The following CHST8 variants were observed in gnomAD, a reference collection of about 807,000 sequenced individuals.
CHST8 encodes carbohydrate sulfotransferase 8.
A neutral mutation model predicts 15.0 loss-of-function variants in CHST8; 10 were observed. The ratio of observed to expected loss-of-function variants is 0.67; its 90% confidence interval spans 0.41 to 1.13. The LOEUF is 1.13. Among genes scored for constraint, CHST8 ranks in the 50% most tolerant of loss-of-function variants. The pLI, the probability that CHST8 is intolerant of heterozygous loss-of-function variation, is 0.00. For synonymous variants in CHST8, 259 were observed against 256.6 expected (o/e 1.01, Z -0.09); for missense variants, 634 against 608.2 (o/e 1.04, Z -0.45).
At chr19:33,678,103 G>A (rs1395104300) in intron 2 of CHST8, among the ~76,000 whole-genome samples, 1 of 152,168 alleles carries the variant, frequency 6.6e-6, no homozygotes, top group Admixed American at 6.5e-5. Context: ...GGAAGTGTTA[G>A]TCTGGACCCA....
At chr19:33,751,050 T>C (rs1460955685) in intron 3 of CHST8, among the ~76,000 whole-genome samples, 2 of 152,104 alleles carry the variant, frequency 1.3e-5, no homozygotes, top group Non-Finnish European at 2.9e-5. Context: ...CCTCTTGGAG[T>C]TGGTTTTCTT....
At chr19:33,624,922 C>T (rs1476068654) in intron 1 of CHST8, among the ~76,000 whole-genome samples, 4 of 152,074 alleles carry the variant, frequency 2.6e-5, no homozygotes, top group Non-Finnish European at 4.4e-5. Context: ...TGCTGCCTGG[C>T]CTGGAATCTG....
intron 3 of CHST8, among the ~76,000 whole-genome samples, chr19:33,735,178 G>A (rs1466798969): frequency 1.3e-5 from 2 of 152,228 alleles, no homozygotes; most frequent in East Asian, 1.9e-4. Context: ...GCAGGGTTGG[G>A]TAGGGGGGTC....
chr19:33,727,639 T>C (rs373103364), intron 3 of CHST8, among the ~76,000 whole-genome samples: 13 of 152,372 alleles, frequency 8.5e-5, no homozygotes, highest in East Asian at 5.8e-4. Flanking sequence ...TCTGGCCATT[T>C]GCTCCCATTT....
At chr19:33,736,595 G>T (rs75403033) in intron 3 of CHST8, among the ~76,000 whole-genome samples, 6,158 of 152,192 alleles carry the variant, frequency 0.04, 411 homozygotes, top group African/African-American at 0.14. Flanking sequence ...GCAGATAAGT[G>T]TGTGTGAGCA....
chr19:33,707,031 T>C (rs989010900), intron 3 of CHST8, among the ~76,000 whole-genome samples: 43 of 152,218 alleles, frequency 2.8e-4, no homozygotes, highest in Non-Finnish European at 1.5e-5. Context: ...ATGGGGACTT[T>C]CTGGGGTCCA....
intron 3 of CHST8, among the ~76,000 whole-genome samples, chr19:33,748,192 A>G (rs1974349311): frequency 6.6e-6 from 1 of 152,198 alleles, no homozygotes; most frequent in African/African-American, 2.4e-5. Context: ...GCTATGCCCC[A>G]GGCACTCGCC....
chr19:33,750,180 A>G (rs1974387032), intron 3 of CHST8, among the ~76,000 whole-genome samples: 1 of 152,202 alleles, frequency 6.6e-6, no homozygotes, highest in African/African-American at 2.4e-5. Context: ...GCATGAGGTC[A>G]CAGGGGTCAT....
intron 3 of CHST8, among the ~76,000 whole-genome samples, chr19:33,713,826 G>A (rs1469476781): frequency 6.6e-6 from 1 of 152,146 alleles, no homozygotes; most frequent in Non-Finnish European, 1.5e-5. Flanking sequence ...TCCTAGTGTT[G>A]GAATTACAGG....
At chr19:33,694,206 AT>A in intron 3 of CHST8, among the ~76,000 whole-genome samples, 1 of 85,468 alleles carries the variant, frequency 1.2e-5, no homozygotes, top group African/African-American at 4.9e-5. Context: ...ATATATATAT[AT>A]ATATATATAT....
At chr19:33,750,854 G>A (rs968983517) in intron 3 of CHST8, among the ~76,000 whole-genome samples, 1 of 151,814 alleles carries the variant, frequency 6.6e-6, no homozygotes, top group African/African-American at 2.4e-5. Flanking sequence ...TCCAGGCTCG[G>A]TCCAGGCTCA....
intron 3 of CHST8, among the ~76,000 whole-genome samples, chr19:33,690,375 G>A (rs1341785434): frequency 6.6e-6 from 1 of 152,174 alleles, no homozygotes; most frequent in Non-Finnish European, 1.5e-5. Flanking sequence ...CCTGCCGGAA[G>A]CCCAGAGCAC....
At chr19:33,742,592 T>C (rs1256539841) in intron 3 of CHST8, among the ~76,000 whole-genome samples, 1 of 152,140 alleles carries the variant, frequency 6.6e-6, no homozygotes, top group Non-Finnish European at 1.5e-5. Flanking sequence ...CACCTCTACA[T>C]TGGGGATTTC....
chr19:33,734,671 C>T (rs530350796), intron 3 of CHST8, among the ~76,000 whole-genome samples: 1 of 152,260 alleles, frequency 6.6e-6, no homozygotes, highest in Admixed American at 6.5e-5. Flanking sequence ...AGCACTTTCT[C>T]AGTGCCCAGG....
chr19:33,675,676 A>G (rs944556294), intron 2 of CHST8, among the ~76,000 whole-genome samples: 1 of 152,210 alleles, frequency 6.6e-6, no homozygotes, highest in Non-Finnish European at 1.5e-5. Flanking sequence ...TTCCTGGCAC[A>G]GGGGCTGAAG....
chr19:33,771,041 A>C (rs1038174612), intron 3 of CHST8, among the ~76,000 whole-genome samples: 1 of 152,050 alleles, frequency 6.6e-6, no homozygotes, highest in Non-Finnish European at 1.5e-5. Flanking sequence ...TTTCCCTGTG[A>C]CTTAATGACA....
rs1012605371 is a variant in CHST8 at position 33,773,429 on chromosome 19, G to C, written c.*366G>C. 1 of 240,574 alleles carries C rather than the reference G, an allele frequency of 4.2e-6. No homozygotes were observed. Among genetic ancestry groups the C allele is most frequent in the Non-Finnish European group, 8.1e-6 (1 of 123,918 alleles). 14.9% of individuals were successfully genotyped at this position (240,574 alleles called of 1,614,324 possible). Reference sequence around the variant, plus strand: ...TAGCCATTGCCTTGGACCAAACCACGTGGTTTGCAGCTTTTCTACGAGCCA... The same window carrying C: ...TAGCCATTGCCTTGGACCAAACCACCTGGTTTGCAGCTTTTCTACGAGCCA... On this transcript the variant is annotated 3_prime_UTR_variant, in exon 5 of 5. Transcript: ENST00000650847.
At chr19:33,630,387 C>T (rs1057053089) in intron 1 of CHST8, among the ~76,000 whole-genome samples, 16 of 152,358 alleles carry the variant, frequency 1.1e-4, no homozygotes, top group Admixed American at 5.9e-4. Context: ...TCAGCATAGC[C>T]GGTGCGTGGG....
intron 3 of CHST8, among the ~76,000 whole-genome samples, chr19:33,734,449 A>G (rs1272845698): frequency 2.0e-5 from 3 of 152,234 alleles, no homozygotes; most frequent in Non-Finnish European, 4.4e-5. Context: ...TGCAAGATCC[A>G]AGAACCCTCT....
Sources: allele counts gnomAD v4.1 joint callset (sites outside exome capture counted in the v4.1 genomes callset), GRCh38; gene constraint gnomAD v4.1.1; transcripts MANE v1.5; gene names NCBI Gene and HGNC (gene_info 2026-07-23, HGNC 2026-07-21).